The following FNIP2 variants were observed in gnomAD, a reference collection of about 807,000 sequenced individuals.
FNIP2 encodes the protein folliculin interacting protein 2, also known as folliculin-interacting protein 2.
In FNIP2, 32 loss-of-function variants were observed where a neutral mutation model predicts 108.7. That is an observed-to-expected ratio of 0.29 (90% CI 0.22 to 0.40). The LOEUF (loss-of-function observed/expected upper bound fraction) is 0.40. Ranked by LOEUF, FNIP2 falls within the 10% of genes least tolerant of loss-of-function variation. The pLI, the probability that FNIP2 is intolerant of heterozygous loss-of-function variation, is 1.00. For missense variants in FNIP2, 1,202 were observed against 1,381.6 expected, an observed-to-expected ratio of 0.87 and a Z score of 2.06; for synonymous variants, 480 against 496.7, an observed-to-expected ratio of 0.97 and a Z score of 0.45.
At chr4:158,789,842 T>C (rs1486625698) in intron 1 of FNIP2, among the ~76,000 whole-genome samples, 4 of 111,402 alleles carry the variant, frequency 3.6e-5, no homozygotes, top group African/African-American at 1.2e-4. Context: ...CAGTGGTGGA[T>C]GTGTTCTAGG....
At chr4:158,883,504 A>G (rs1247780469) in intron 14 of FNIP2, among the ~76,000 whole-genome samples, 6 of 152,216 alleles carry the variant, frequency 3.9e-5, no homozygotes, top group East Asian at 3.9e-4. Flanking sequence ...GCCTCCCAAA[A>G]GCCTGGGATT....
rs375047700 is a variant in FNIP2 at position 158,848,103 on chromosome 4, C to T, written c.728-3218C>T. On this transcript the variant is annotated intron_variant, in intron 7 of 16. Coordinates refer to ENST00000264433, the MANE Select transcript of FNIP2 (RefSeq NM_020840.3). ...AAGGACACAAGCCTGGCTGGCTTCA[C>T]AACCTGCTGATTTTAGAGCCCTAGG... is the stretch of plus-strand genomic sequence containing the variant. Among the ~76,000 whole-genome samples, 15 of 152,190 alleles carry T rather than the reference C, an allele frequency of 9.9e-5. No individual in the cohort carries two copies. In the East Asian group the frequency reaches 2.1e-3, roughly 21 times the overall value.
At chr4:158,901,684 TTTGTTTTCATTTTTTCTGTAATC>T (rs1359987889) in intron 16 of FNIP2, among the ~76,000 whole-genome samples, 1 of 151,836 alleles carries the variant, frequency 6.6e-6, no homozygotes, top group African/African-American at 2.4e-5. Flanking sequence ...GCTTTGTTCG[TTTGTTTTCATTTTTTCTGTAATC>T]TTGTCTTCAC....
rs557813768 is a variant in FNIP2 at position 158,826,133 on chromosome 4, A to T, written c.234+91A>T. 9 of 1,485,446 alleles carry T rather than the reference A, an allele frequency of 6.1e-6. No individual in the cohort carries two copies. In the African/African-American group the frequency reaches 1.1e-4, roughly 18 times the overall value. 92.0% of individuals were successfully genotyped at this position (1,485,446 alleles called of 1,614,324 possible). A position where few individuals can be genotyped will look rare whatever the true frequency, so the allele number is the denominator to read the frequency against. On this transcript the variant is annotated intron_variant, in intron 2 of 16. Transcript: ENST00000264433. Reference sequence around the variant, plus strand: ...TTATTAATCTATCATCTTCTCTTTGAGTTATATTATACAGTGCCATTAATG... The same window carrying T: ...TTATTAATCTATCATCTTCTCTTTGTGTTATATTATACAGTGCCATTAATG...
Position 158,904,862 on chromosome 4 carries a change from G to A in FNIP2, c.*318G>A, listed in dbSNP as rs1041593637. The A allele has an allele frequency of 3.7e-6, 1 of 273,196 alleles. No individual in the cohort carries two copies. Among genetic ancestry groups the A allele is most frequent in the Non-Finnish European group, 7.1e-6 (1 of 140,248 alleles). 16.9% of individuals were successfully genotyped at this position (273,196 alleles called of 1,614,324 possible). A position where few individuals can be genotyped will look rare whatever the true frequency, so the allele number is the denominator to read the frequency against. ...CTGTTGCAACAGATTGCCTTGTGCTGTTTGGGCAGAATAAAGACAAGTGAC... is the reference window on the plus strand; with the variant it reads ...CTGTTGCAACAGATTGCCTTGTGCTATTTGGGCAGAATAAAGACAAGTGAC... On this transcript the variant is annotated 3_prime_UTR_variant, in exon 17 of 17. Transcript: ENST00000264433.
At chr4:158,820,127 G>A (rs1777799213) in intron 1 of FNIP2, among the ~76,000 whole-genome samples, 1 of 152,076 alleles carries the variant, frequency 6.6e-6, no homozygotes. Context: ...CCTTTTCTTG[G>A]ACCATTGAAA....
intron 14 of FNIP2, among the ~76,000 whole-genome samples, chr4:158,883,949 CTTTTTT>C (rs33942642): frequency 2.2e-5 from 2 of 88,998 alleles, no homozygotes; most frequent in Admixed American, 1.2e-4. Flanking sequence ...TTAATAAGCT[CTTTTTT>C]TTTTTTTTTT....
At chr4:158,882,258 C>T (rs1296658106) in intron 14 of FNIP2, among the ~76,000 whole-genome samples, 1 of 151,896 alleles carries the variant, frequency 6.6e-6, no homozygotes, top group Non-Finnish European at 1.5e-5. Context: ...GTGAGGAGCC[C>T]CTCCGCCTGG....
At chr4:158,841,798 C>T (rs1779147657) in intron 7 of FNIP2, among the ~76,000 whole-genome samples, 1 of 152,252 alleles carries the variant, frequency 6.6e-6, no homozygotes, top group Non-Finnish European at 1.5e-5. Context: ...AAGCATGTAG[C>T]TGCAGTCTAG....
intron 13 of FNIP2, 100 bp from the exon 14 acceptor site, chr4:158,870,213 A>C: frequency 7.6e-7 from 1 of 1,319,398 alleles, no homozygotes; most frequent in Non-Finnish European, 1.0e-6. Context: ...CCCTGAATCT[A>C]TTTTATTTAC....
At chr4:158,869,981 T>C (rs556184247) in intron 13 of FNIP2, among the ~76,000 whole-genome samples, 2 of 152,382 alleles carry the variant, frequency 1.3e-5, no homozygotes, top group Non-Finnish European at 2.9e-5. Context: ...TGTGCAGATA[T>C]GTCAGATTCC....
chr4:158,892,882 T>TA (rs1266333014), intron 15 of FNIP2, among the ~76,000 whole-genome samples: 1 of 152,278 alleles, frequency 6.6e-6, no homozygotes, highest in Non-Finnish European at 1.5e-5. Flanking sequence ...CGCTAATTGC[T>TA]AATGTAATGG....
At position 158,868,933 on chromosome 4, in the gene FNIP2, G is replaced by T. The variant is rs760765139; in HGVS notation, c.2297G>T (p.Ser766Ile). The change falls in exon 13 of 17, where the codon AGC becomes ATC. Residue 766 changes from serine (S) to isoleucine (I), a missense_variant. By Grantham distance (142) the Ser-to-Ile change is moderately radical (BLOSUM62 -2). Around this residue, in one of 5 missense-constraint regions of FNIP2, gnomAD observed 878 missense variants for 990.3 expected, o/e 0.89. Coordinates refer to ENST00000264433, the MANE Select transcript of FNIP2 (RefSeq NM_020840.3). This position sits in a 1 kb window ranked among gnomAD's most constrained non-coding sequence, Gnocchi z 4.6. ...DVAQDPQVSR[S>I]PFKPGFQENV... is the part of the protein sequence containing the mutation. The stretch of plus-strand genomic sequence containing the variant: ...GCTCAGGACCCGCAGGTTTCTAGGA[G>T]CCCTTTTAAACCTGGCTTTCAGGAG... 86 of 1,613,846 alleles carry T rather than the reference G, an allele frequency of 5.3e-5. No homozygotes were observed. The highest frequency in any genetic ancestry group is 7.2e-5 in the Non-Finnish European group (85 of 1,179,912).
chr4:158,806,113 T>C, intron 1 of FNIP2: 1 of 1,188,912 alleles, frequency 8.4e-7, no homozygotes, highest in Non-Finnish European at 1.1e-6. Flanking sequence ...ACATACTGTA[T>C]AGGGAGTGAA....
chr4:158,902,236 A>T (rs146300126), intron 16 of FNIP2, among the ~76,000 whole-genome samples: 23 of 152,160 alleles, frequency 1.5e-4, no homozygotes, highest in African/African-American at 5.5e-4. Flanking sequence ...TCCTTCTAAC[A>T]GGCCTGTCTG....
At chr4:158,871,215 C>T (rs566113126) in intron 14 of FNIP2, among the ~76,000 whole-genome samples, 10 of 152,264 alleles carry the variant, frequency 6.6e-5, no homozygotes, top group African/African-American at 2.4e-4. Context: ...ATCTGCAGGG[C>T]AACAGGAACT....
intron 14 of FNIP2, among the ~76,000 whole-genome samples, chr4:158,875,090 A>AG (rs1482844592): frequency 1.1e-4 from 16 of 151,434 alleles, no homozygotes; most frequent in Non-Finnish European, 1.9e-4. Flanking sequence ...CTGTCTCAAA[A>AG]AAAAAAAAAA....
intron 1 of FNIP2, among the ~76,000 whole-genome samples, chr4:158,821,702 T>G (rs1361195255): frequency 6.6e-6 from 1 of 152,150 alleles, no homozygotes; most frequent in East Asian, 1.9e-4. Context: ...ATAAAACCGG[T>G]GGGAAGCAGA....
At chr4:158,828,200 T>C (rs1778262922) in intron 2 of FNIP2, among the ~76,000 whole-genome samples, 1 of 152,232 alleles carries the variant, frequency 6.6e-6, no homozygotes, top group African/African-American at 2.4e-5. Context: ...CATATTTCCA[T>C]CACATGCTAT....
Sources: gnomAD v4.1 joint callset for allele counts (sites outside exome capture counted in the v4.1 genomes callset) on GRCh38, gnomAD v4.1.1 for gene constraint, gnomAD v4.1.1 regional missense constraint, Gnocchi (gnomAD v3.1) non-coding constraint, MANE v1.5 for transcripts, NCBI Gene and HGNC (gene_info 2026-07-23, HGNC 2026-07-21) for gene names.